Variants in GRK5 observed in about 807,000 individuals in gnomAD.
GRK5 encodes the protein g protein-coupled receptor kinase GRK5.
Under a neutral mutation model 78.4 loss-of-function variants are expected in GRK5, and 40 were observed. The observed-to-expected ratio is 0.51, with a 90% confidence interval of 0.40 to 0.66. The LOEUF is 0.66. Among genes scored for constraint, GRK5 ranks in the 30% least tolerant of loss-of-function variants. The pLI, the probability that GRK5 is intolerant of heterozygous loss-of-function variation, is 0.00. For synonymous variants in GRK5, 289 were observed against 296.8 expected, an observed-to-expected ratio of 0.97 and a Z score of 0.27; for missense variants, 598 against 759.9, an observed-to-expected ratio of 0.79 and a Z score of 2.50.
At chr10:119,352,306 A>C (rs1468709758) in intron 2 of GRK5, among the ~76,000 whole-genome samples, 1 of 152,224 alleles carries the variant, frequency 6.6e-6, no homozygotes, top group Admixed American at 6.5e-5. Context: ...CCAAAGAAGT[A>C]GAAAAAGATA....
rs550072886 is a variant in GRK5 at position 119,423,473 on chromosome 10, A to G, written c.440+207A>G. Among the ~76,000 whole-genome samples the G allele has an allele frequency of 4.6e-5, 7 of 152,302 alleles. No individual in the cohort carries two copies. In the South Asian group the frequency reaches 1.4e-3, roughly 32 times the overall value. On this transcript the variant is annotated intron_variant, in intron 5 of 15. Transcript: ENST00000392870. The stretch of plus-strand genomic sequence containing the variant: ...AAAGAAAACATCTGCTGCAAAGGGT[A>G]TTGAAAGCAAGTGGCTCTCCAGGCT...
intron 1 of GRK5, among the ~76,000 whole-genome samples, chr10:119,313,788 G>A (rs1850437240): frequency 6.6e-6 from 1 of 152,166 alleles, no homozygotes; most frequent in Admixed American, 6.5e-5. Flanking sequence ...GAGGGGCCCT[G>A]TCCCCATCCC....
intron 1 of GRK5, among the ~76,000 whole-genome samples, chr10:119,221,211 G>A (rs1227578520): frequency 6.6e-6 from 1 of 151,776 alleles, no homozygotes; most frequent in Non-Finnish European, 1.5e-5. Flanking sequence ...GTCTTCCCAT[G>A]CACCCCTGCT....
intron 1 of GRK5, among the ~76,000 whole-genome samples, chr10:119,250,317 C>G (rs1334561441): frequency 1.3e-5 from 2 of 152,158 alleles, no homozygotes; most frequent in African/African-American, 4.8e-5. Flanking sequence ...TGGGGGCCTT[C>G]ATACAACTTT....
chr10:119,303,550 G>A (rs1472055069), intron 1 of GRK5, among the ~76,000 whole-genome samples: 1 of 152,186 alleles, frequency 6.6e-6, no homozygotes, highest in East Asian at 1.9e-4. Context: ...GGGCATAGTG[G>A]TTGTGGGGGA....
chr10:119,333,946 T>TGA (rs938045543), intron 2 of GRK5: 11 of 460,274 alleles, frequency 2.4e-5, no homozygotes, highest in Admixed American at 2.1e-4. Flanking sequence ...GCGTCCCTCC[T>TGA]GGCTTAAAGG....
intron 2 of GRK5, among the ~76,000 whole-genome samples, chr10:119,338,032 C>T (rs374831407): frequency 6.6e-6 from 1 of 152,158 alleles, no homozygotes; most frequent in Non-Finnish European, 1.5e-5. Context: ...AATAAGGTCA[C>T]GTTCTGAGGT....
chr10:119,294,136 T>A (rs902004753), intron 1 of GRK5, among the ~76,000 whole-genome samples: 4 of 152,210 alleles, frequency 2.6e-5, no homozygotes, highest in Non-Finnish European at 5.9e-5. Context: ...AAAGCGTACC[T>A]GGATCTGGGT....
intron 2 of GRK5, among the ~76,000 whole-genome samples, chr10:119,358,058 G>A (rs1352976924): frequency 6.6e-6 from 1 of 152,218 alleles, no homozygotes; most frequent in East Asian, 1.9e-4. Flanking sequence ...ATCACGGATG[G>A]CCCGAAATGG....
chr10:119,296,853 T>C (rs1264424468), intron 1 of GRK5, among the ~76,000 whole-genome samples: 1 of 152,240 alleles, frequency 6.6e-6, no homozygotes, highest in East Asian at 1.9e-4. Flanking sequence ...GGACAGAGCC[T>C]AGGACTGACT....
intron 2 of GRK5, among the ~76,000 whole-genome samples, chr10:119,344,647 G>A (rs991979513): frequency 3.3e-5 from 5 of 152,200 alleles, no homozygotes; most frequent in Non-Finnish European, 5.9e-5. Context: ...GAAGGTGGCA[G>A]ATGGGCATGA....
intron 2 of GRK5, among the ~76,000 whole-genome samples, chr10:119,342,327 G>A (rs543839785): frequency 1.6e-4 from 25 of 152,230 alleles, no homozygotes; most frequent in Non-Finnish European, 3.5e-4. Flanking sequence ...ACAGCAGTGA[G>A]GAACATGAGC....
intron 2 of GRK5, chr10:119,334,748 T>G (rs1850844691): frequency 6.6e-6 from 1 of 152,200 alleles, no homozygotes; most frequent in Admixed American, 6.5e-5. Context: ...TTCCACTGTT[T>G]GGCAATATTT....
chr10:119,275,556 A>C (rs1009494911), intron 1 of GRK5, among the ~76,000 whole-genome samples: 1 of 148,116 alleles, frequency 6.8e-6, no homozygotes, highest in Non-Finnish European at 1.5e-5. Flanking sequence ...GTCCAGTCTG[A>C]ATTCTCTAAG....
chr10:119,343,446 G>C (rs181715163), intron 2 of GRK5, among the ~76,000 whole-genome samples: 58 of 152,340 alleles, frequency 3.8e-4, no homozygotes, highest in Non-Finnish European at 5.7e-4. Flanking sequence ...CCCTATTTTA[G>C]GGATGACGAT....
At chr10:119,454,770 G>C (rs1004821087) in intron 15 of GRK5, among the ~76,000 whole-genome samples, 199 bp from the exon 16 acceptor site, 3 of 152,178 alleles carry the variant, frequency 2.0e-5, no homozygotes, top group African/African-American at 7.2e-5. Flanking sequence ...CACCCTGATT[G>C]GAGGTTCTGT....
chr10:119,241,986 A>C (rs1849035218), intron 1 of GRK5, among the ~76,000 whole-genome samples: 1 of 152,034 alleles, frequency 6.6e-6, no homozygotes, highest in Admixed American at 6.5e-5. Context: ...GAGGAAATGT[A>C]TGGTAAATAA....
chr10:119,444,119 G>A (rs1209384854), intron 12 of GRK5, among the ~76,000 whole-genome samples: 1 of 152,140 alleles, frequency 6.6e-6, no homozygotes, highest in African/African-American at 2.4e-5. Context: ...CCCGGCCCCT[G>A]CCCGTGGGCC....
chr10:119,328,022 G>A (rs1850708617), intron 2 of GRK5, among the ~76,000 whole-genome samples: 1 of 152,232 alleles, frequency 6.6e-6, no homozygotes, highest in South Asian at 2.1e-4. Context: ...TGTTTCCCCA[G>A]CTGTAACACT....
Sources: gnomAD v4.1 joint callset for allele counts (sites outside exome capture counted in the v4.1 genomes callset) on GRCh38, gnomAD v4.1.1 for gene constraint, MANE v1.5 for transcripts, NCBI Gene and HGNC (gene_info 2026-07-23, HGNC 2026-07-21) for gene names.